Variants in ATRNL1 observed in about 807,000 individuals in gnomAD.
ATRNL1 encodes attractin-like protein 1.
In ATRNL1, 95 loss-of-function variants were observed where a neutral mutation model predicts 182.7. The observed-to-expected ratio is 0.52, with a 90% CI of 0.44 to 0.62. The LOEUF is 0.62. Among genes scored for constraint, ATRNL1 ranks in the 20% least tolerant of loss-of-function variants. The probability of loss-of-function intolerance (pLI) is 0.00; values close to 1 mark genes in which losing one functional copy is unlikely to be tolerated. For synonymous variants in ATRNL1, 576 were observed against 568.3 expected (o/e 1.01, Z -0.19); for missense variants, 1,471 against 1,679.5 (o/e 0.88, Z 2.17).
chr10:115,787,974 C>T (rs1949436202), intron 27 of ATRNL1, among the ~76,000 whole-genome samples: 1 of 152,152 alleles, frequency 6.6e-6, no homozygotes, highest in South Asian at 2.1e-4. Context: ...TAATCCCTGG[C>T]CTCCACAATT....
At chr10:115,728,549 A>AAAAT (rs1212772200) in intron 27 of ATRNL1, among the ~76,000 whole-genome samples, 1 of 152,064 alleles carries the variant, frequency 6.6e-6, no homozygotes, top group Non-Finnish European at 1.5e-5. Context: ...TTTGTCAAGG[A>AAAAT]AAATAAAGAA....
At chr10:115,879,463 A>G (rs1555108043) in intron 28 of ATRNL1, among the ~76,000 whole-genome samples, 1 of 152,210 alleles carries the variant, frequency 6.6e-6, no homozygotes, top group African/African-American at 2.4e-5. Flanking sequence ...CTATGTAGCC[A>G]TAGGAGAGCC....
intron 26 of ATRNL1, among the ~76,000 whole-genome samples, chr10:115,644,706 CTAAA>C (rs1231083712): frequency 1.3e-5 from 2 of 152,160 alleles, no homozygotes; most frequent in Non-Finnish European, 2.9e-5. Context: ...AAAGTAAACA[CTAAA>C]TAAATGCTGA....
intron 27 of ATRNL1, among the ~76,000 whole-genome samples, chr10:115,735,629 A>G (rs1175221877): frequency 5.3e-5 from 8 of 152,234 alleles, no homozygotes; most frequent in Non-Finnish European, 1.2e-4. Context: ...ATTATTAAAT[A>G]AAATAAGGGT....
intron 1 of ATRNL1, among the ~76,000 whole-genome samples, chr10:115,099,969 C>A (rs1288426819): frequency 6.6e-6 from 1 of 151,660 alleles, no homozygotes; most frequent in South Asian, 2.1e-4. Context: ...TCATTTTTTT[C>A]TTTTATACTT....
At chr10:115,259,462 A>C (rs1193963134) in intron 10 of ATRNL1, among the ~76,000 whole-genome samples, 1 of 152,166 alleles carries the variant, frequency 6.6e-6, no homozygotes, top group Non-Finnish European at 1.5e-5. Context: ...CTGATTGCTA[A>C]AACTTTGGGA....
chr10:115,636,452 G>A (rs1019708181), intron 26 of ATRNL1, among the ~76,000 whole-genome samples: 3 of 152,152 alleles, frequency 2.0e-5, no homozygotes, highest in Non-Finnish European at 4.4e-5. Context: ...GATCGCAAAG[G>A]CTATGAAATT....
chr10:115,647,219 T>G (rs1372103069), intron 26 of ATRNL1, among the ~76,000 whole-genome samples: 2 of 152,096 alleles, frequency 1.3e-5, no homozygotes, highest in Non-Finnish European at 2.9e-5. Flanking sequence ...TTTGGGTTGG[T>G]TCCAAGTCTT....
chr10:115,453,739 T>C (rs1175171472), intron 21 of ATRNL1, among the ~76,000 whole-genome samples: 7 of 146,580 alleles, frequency 4.8e-5, no homozygotes, highest in Non-Finnish European at 7.4e-5. Context: ...TAGGTGGGAA[T>C]TGAACAATGA....
chr10:115,643,772 T>C (rs1469136380), intron 26 of ATRNL1, among the ~76,000 whole-genome samples: 1 of 151,790 alleles, frequency 6.6e-6, no homozygotes, highest in Non-Finnish European at 1.5e-5. Flanking sequence ...CTACTACTAC[T>C]ACACACACAC....
At chr10:115,779,917 G>T (rs921516122) in intron 27 of ATRNL1, among the ~76,000 whole-genome samples, 1 of 152,144 alleles carries the variant, frequency 6.6e-6, no homozygotes, top group Non-Finnish European at 1.5e-5. Flanking sequence ...AAGCAAGATG[G>T]CCATTGATCA....
intron 21 of ATRNL1, among the ~76,000 whole-genome samples, chr10:115,446,118 T>C (rs1467002860): frequency 6.6e-6 from 1 of 152,064 alleles, no homozygotes; most frequent in African/African-American, 2.4e-5. Context: ...CATCAACAGA[T>C]TTTTTTCTTT....
At chr10:115,749,190 T>C (rs927737378) in intron 27 of ATRNL1, among the ~76,000 whole-genome samples, 22 of 151,904 alleles carry the variant, frequency 1.4e-4, no homozygotes, top group Non-Finnish European at 3.2e-4. Context: ...TTTTTAAATA[T>C]AAGAACATAG....
chr10:115,488,806 C>G (rs903538527), intron 24 of ATRNL1, among the ~76,000 whole-genome samples: 3 of 151,944 alleles, frequency 2.0e-5, no homozygotes, highest in African/African-American at 4.8e-5. Flanking sequence ...AGTTCTTTTA[C>G]TTGTGATGTT....
chr10:115,361,367 G>A lies in ATRNL1; in HGVS notation c.3175+26948G>A, dbSNP rs572355240. Among the ~76,000 whole-genome samples, 32 of 151,504 alleles carry A rather than the reference G, an allele frequency of 2.1e-4. 1 individual carries two copies. Among genetic ancestry groups the A allele is most frequent in the Non-Finnish European group, 4.4e-5 (3 of 67,862 alleles). The stretch of plus-strand genomic sequence containing the variant: ...TCTTTGAGCATTTCCTTATAGTTTC[G>A]GCATTTATCTTGTACTTTTCCAGCC... On this transcript the variant is annotated intron_variant, in intron 19 of 28. Transcript: ENST00000355044.
intron 13 of ATRNL1, among the ~76,000 whole-genome samples, chr10:115,273,664 T>C (rs1447108696): frequency 1.3e-5 from 2 of 152,192 alleles, no homozygotes; most frequent in Non-Finnish European, 2.9e-5. Context: ...CAGTCCTTTT[T>C]TGGGTGGTAC....
chr10:115,100,613 T>C (rs1449148876), intron 1 of ATRNL1, among the ~76,000 whole-genome samples: 2 of 152,244 alleles, frequency 1.3e-5, no homozygotes, highest in East Asian at 3.8e-4. Context: ...TCTCTTTGTC[T>C]ATTTGTATGT....
In ATRNL1 at chr10:115,689,775, C is replaced by T. The variant is rs184775868; in HGVS notation, c.3796-37473C>T. Among the ~76,000 whole-genome samples, 1,152 of 152,300 alleles carry T rather than the reference C, an allele frequency of 7.6e-3. 17 individuals carry two copies. The highest frequency in any genetic ancestry group is 0.012 in the Non-Finnish European group (786 of 68,020). On this transcript the variant is annotated intron_variant, in intron 26 of 28. Coordinates refer to ENST00000355044, the MANE Select transcript of ATRNL1 (RefSeq NM_207303.4). ...CCAGACACAGAGCTCGCAGGCTGTC[C>T]TGCTCTCTGCAGCAACAGTTCTGTA...
chr10:115,534,767 G>C (rs1851855589), intron 25 of ATRNL1, among the ~76,000 whole-genome samples: 1 of 151,148 alleles, frequency 6.6e-6, no homozygotes. Context: ...TCCATGTTTA[G>C]TGCTTCCTTC....
Sources: gnomAD v4.1 joint callset for allele counts (sites outside exome capture counted in the v4.1 genomes callset) on GRCh38, gnomAD v4.1.1 for gene constraint, MANE v1.5 for transcripts, NCBI Gene and HGNC (gene_info 2026-07-23, HGNC 2026-07-21) for gene names.